The following CMIP variants were observed in gnomAD, a reference collection of about 807,000 sequenced individuals.
CMIP encodes the protein C-Maf-inducing protein.
In CMIP, 13 loss-of-function variants were observed where a neutral mutation model predicts 97.3. That is an observed-to-expected ratio of 0.13 (90% CI 0.09 to 0.21). The LOEUF is 0.21. CMIP is among the 10% of genes least tolerant of loss of function. The probability of loss-of-function intolerance (pLI) is 1.00; values close to 1 mark genes in which losing one functional copy is unlikely to be tolerated. For synonymous variants in CMIP, 538 were observed against 436.3 expected, an observed-to-expected ratio of 1.23 and a Z score of -2.91; for missense variants, 847 against 1,024.9, an observed-to-expected ratio of 0.83 and a Z score of 2.37.
Position 81,667,896 on chromosome 16 carries a change from C to T in CMIP, c.826-2246C>T, listed in dbSNP as rs993091646. ...TGAACTTGCTCCGGGGGCTCTGCCT[C>T]CCTCTTTATGTAGCAGGACAGTCCT... On this transcript the variant is annotated intron_variant, in intron 7 of 20. Coordinates refer to ENST00000537098, the MANE Select transcript of CMIP (RefSeq NM_198390.3). Among the ~76,000 whole-genome samples, 3 of 151,676 alleles carry T rather than the reference C, an allele frequency of 2.0e-5. No homozygotes were observed. The South Asian group carries it at 6.3e-4, about 32-fold the overall frequency.
intron 1 of CMIP, among the ~76,000 whole-genome samples, chr16:81,452,477 A>G (rs1451918033): frequency 3.3e-5 from 5 of 152,160 alleles, no homozygotes; most frequent in Admixed American, 1.3e-4. Context: ...GAGTGGACAA[A>G]CAACTAAGTT....
intron 1 of CMIP, among the ~76,000 whole-genome samples, chr16:81,576,873 A>G (rs1385588770): frequency 6.6e-6 from 1 of 152,092 alleles, no homozygotes; most frequent in East Asian, 1.9e-4. Flanking sequence ...AAATTTGGTG[A>G]AGCTTGAGAA....
At chr16:81,561,721 G>T (rs1461273906) in intron 1 of CMIP, among the ~76,000 whole-genome samples, 2 of 152,206 alleles carry the variant, frequency 1.3e-5, no homozygotes, top group Non-Finnish European at 2.9e-5. Flanking sequence ...CTGCTGTATG[G>T]ACAGTATTCT....
At chr16:81,539,192 A>G (rs947977820) in intron 1 of CMIP, among the ~76,000 whole-genome samples, 8 of 152,228 alleles carry the variant, frequency 5.3e-5, no homozygotes, top group African/African-American at 1.9e-4. Flanking sequence ...TGAGAAAGAA[A>G]TGCTTGCAGC....
At chr16:81,464,709 A>AC (rs1411343707) in intron 1 of CMIP, 1 of 152,210 alleles carries the variant, frequency 6.6e-6, no homozygotes, top group Non-Finnish European at 1.5e-5. Flanking sequence ...CAAACTCTGT[A>AC]CCCATTCTCT....
intron 10 of CMIP, among the ~76,000 whole-genome samples, chr16:81,687,905 G>A (rs538340429): frequency 4.8e-4 from 73 of 152,318 alleles, no homozygotes; most frequent in African/African-American, 1.5e-3. Context: ...CTGTGGTCAC[G>A]GTCAGTGAAT....
chr16:81,559,324 T>C (rs2090830997), intron 1 of CMIP, among the ~76,000 whole-genome samples: 1 of 152,236 alleles, frequency 6.6e-6, no homozygotes, highest in African/African-American at 2.4e-5. Context: ...TGGTCACTTA[T>C]TTCATGCTGG....
At chr16:81,709,542 T>C (rs1269605032) in intron 20 of CMIP, among the ~76,000 whole-genome samples, 2 of 152,168 alleles carry the variant, frequency 1.3e-5, no homozygotes, top group African/African-American at 4.8e-5. Flanking sequence ...CGCTGCCTGG[T>C]TTCTCCGGGG....
intron 1 of CMIP, among the ~76,000 whole-genome samples, chr16:81,456,240 C>T (rs895607841): frequency 2.0e-5 from 3 of 152,206 alleles, no homozygotes; most frequent in Non-Finnish European, 2.9e-5. Flanking sequence ...GTGGAGGGGA[C>T]CGCGGGGTAA....
chr16:81,541,689 C>T (rs1054364088), intron 1 of CMIP, among the ~76,000 whole-genome samples: 4 of 152,038 alleles, frequency 2.6e-5, no homozygotes, highest in Non-Finnish European at 5.9e-5. Context: ...AGTGTCCCTA[C>T]AAAACAACCG....
chr16:81,685,965 G>A (rs141546763), intron 10 of CMIP, among the ~76,000 whole-genome samples: 1 of 152,282 alleles, frequency 6.6e-6, no homozygotes, highest in Non-Finnish European at 1.5e-5. Flanking sequence ...CACAGACACT[G>A]GGGCCAGGCT....
At chr16:81,515,885 C>T (rs1597494272) in intron 1 of CMIP, among the ~76,000 whole-genome samples, 1 of 152,150 alleles carries the variant, frequency 6.6e-6, no homozygotes, top group South Asian at 2.1e-4. Flanking sequence ...TTCTACCTCC[C>T]TCAGTCTCCA....
At chr16:81,590,350 A>T (rs1371354550) in intron 1 of CMIP, among the ~76,000 whole-genome samples, 1 of 152,110 alleles carries the variant, frequency 6.6e-6, no homozygotes, top group Non-Finnish European at 1.5e-5. Flanking sequence ...ACACTGTCAG[A>T]GGGTGTCCAA....
chr16:81,608,287 A>G (rs2091776916), intron 2 of CMIP, among the ~76,000 whole-genome samples: 1 of 152,190 alleles, frequency 6.6e-6, no homozygotes, highest in Non-Finnish European at 1.5e-5. Context: ...AGTAACTGGG[A>G]AGCCTTAGAG....
At position 81,498,024 on chromosome 16, in the gene CMIP, C is replaced by T. The variant is rs541509472; in HGVS notation, c.300+52483C>T. On this transcript the variant is annotated intron_variant, in intron 1 of 20. Transcript: ENST00000537098. ...TTCCTTTTCATTGTTCTTTGTTGGTCTGTTCATTCATTCATGCATGCATGT... is the reference window on the plus strand; with the variant it reads ...TTCCTTTTCATTGTTCTTTGTTGGTTTGTTCATTCATTCATGCATGCATGT... Among the ~76,000 whole-genome samples, 22 of 152,350 alleles carry T rather than the reference C, an allele frequency of 1.4e-4. No individual in the cohort carries two copies. The South Asian group carries it at 4.6e-3, about 32-fold the overall frequency.
chr16:81,611,582 C>T (rs1167409031), intron 2 of CMIP, among the ~76,000 whole-genome samples: 9 of 152,034 alleles, frequency 5.9e-5, no homozygotes, highest in Non-Finnish European at 1.2e-4. Context: ...CCTTCTGTCC[C>T]CTCCTGCCTC....
intron 1 of CMIP, among the ~76,000 whole-genome samples, chr16:81,548,476 C>T (rs1597542500): frequency 6.6e-6 from 1 of 152,160 alleles, no homozygotes; most frequent in East Asian, 1.9e-4. Flanking sequence ...CATGGTAGGA[C>T]ATTTGGCACC....
chr16:81,534,796 A>T (rs1257668291), intron 1 of CMIP, among the ~76,000 whole-genome samples: 2 of 152,190 alleles, frequency 1.3e-5, no homozygotes, highest in Non-Finnish European at 2.9e-5. Context: ...TTCACTCAAT[A>T]GTGTGCCCTT....
chr16:81,459,066 CCG>C (rs1491279471), intron 1 of CMIP, among the ~76,000 whole-genome samples: 15 of 41,162 alleles, frequency 3.6e-4, no homozygotes, highest in African/African-American at 9.6e-4. Context: ...ATCACTGTCA[CCG>C]TCACCGTCAC....
Sources: allele counts gnomAD v4.1 joint callset (sites outside exome capture counted in the v4.1 genomes callset), GRCh38; gene constraint gnomAD v4.1.1; transcripts MANE v1.5; gene names NCBI Gene and HGNC (gene_info 2026-07-23, HGNC 2026-07-21).